The following PAPPA2 variants were observed in gnomAD, a reference collection of about 807,000 sequenced individuals.
PAPPA2 encodes the protein pappalysin 2.
In PAPPA2, 86 loss-of-function variants were observed where a neutral mutation model predicts 176.4. The observed-to-expected ratio is 0.49, with a 90% CI of 0.41 to 0.58. The LOEUF (loss-of-function observed/expected upper bound fraction) is 0.58, where lower values mean the gene tolerates loss of function less well. PAPPA2 is among the 20% of genes least tolerant of loss of function. PAPPA2 has a pLI of 0.00. For missense variants in PAPPA2, 2,073 were observed against 2,256.9 expected, an observed-to-expected ratio of 0.92 and a Z score of 1.65; for synonymous variants, 809 against 852.2, an observed-to-expected ratio of 0.95 and a Z score of 0.88.
chr1:176,473,050 A>T (rs1034284285), intron 1 of PAPPA2, among the ~76,000 whole-genome samples: 3 of 152,168 alleles, frequency 2.0e-5, no homozygotes, highest in Non-Finnish European at 2.9e-5. Flanking sequence ...CAAAGTCCAT[A>T]GTTTATATTA....
chr1:176,504,576 C>T (rs969557680), intron 1 of PAPPA2, among the ~76,000 whole-genome samples: 4 of 152,146 alleles, frequency 2.6e-5, no homozygotes, highest in Non-Finnish European at 5.9e-5. Flanking sequence ...CATTCAAATG[C>T]TTAGCTGCGT....
intron 14 of PAPPA2, among the ~76,000 whole-genome samples, chr1:176,763,539 C>T (rs989252082): frequency 1.3e-5 from 2 of 152,156 alleles, no homozygotes; most frequent in South Asian, 2.1e-4. Flanking sequence ...CATGAACAAT[C>T]GTAACTTAGC....
chr1:176,616,724 T>C (rs1229831851), intron 3 of PAPPA2: 2 of 1,406,066 alleles, frequency 1.4e-6, no homozygotes, highest in East Asian at 2.4e-5. Flanking sequence ...TTGGATTGTG[T>C]GTAATAGGAA....
In PAPPA2 at chr1:176,738,963, C is replaced by A. The variant is rs79182166; in HGVS notation, c.3799-663C>A. ...CATTCCTGAGTGATACATGAATTTT[C>A]CTGTGTCCCATTGTTGGCTTATTTT... On this transcript the variant is annotated intron_variant, in intron 12 of 22. Coordinates refer to ENST00000367662, the MANE Select transcript of PAPPA2 (RefSeq NM_020318.3). 3.9e-5 allele frequency among the ~76,000 whole-genome samples: 6 copies of A among 152,106 alleles called. No homozygotes were observed. The East Asian group carries it at 9.7e-4, about 25-fold the overall frequency.
At position 176,594,965 on chromosome 1, in the gene PAPPA2, T is replaced by C. The variant is rs1195950652; in HGVS notation, c.1361T>C (p.Leu454Ser). ...AGTGGGGAGGAGGAAGCGACTGACT[T>C]GGTCCTGACAGCGAGCTTTGAGCCT... ...HSSGEEEATD[L>S]VLTASFEPVN... Residue 454 changes from leucine to serine, a missense_variant, in exon 3 of 23, where the codon TTG (leucine) becomes TCG (serine). Physicochemically the swap from Leu to Ser is moderately radical, Grantham distance 145. Around this residue, in one of 4 missense-constraint regions of PAPPA2, gnomAD observed 1,196 missense variants for 1,330.4 expected, o/e 0.90. Coordinates refer to ENST00000367662, the MANE Select transcript of PAPPA2 (RefSeq NM_020318.3). The C allele has an allele frequency of 6.2e-6, 10 of 1,614,200 alleles. No homozygotes were observed. Among genetic ancestry groups the C allele is most frequent in the Non-Finnish European group, 8.5e-6 (10 of 1,180,044 alleles).
intron 21 of PAPPA2, among the ~76,000 whole-genome samples, chr1:176,805,918 G>A (rs143021615): frequency 1.8e-3 from 246 of 134,612 alleles, no homozygotes; most frequent in African/African-American, 6.4e-3. Flanking sequence ...GAGTCCAGGA[G>A]TTTAGGTTAC....
In PAPPA2 at chr1:176,710,076, C is replaced by G; in HGVS notation, c.3551C>G (p.Pro1184Arg). Residue 1184 changes from proline (P) to arginine (R), a missense_variant, in exon 11 of 23, where the codon CCC (proline) becomes CGC (arginine). Around this residue, in one of 4 missense-constraint regions of PAPPA2, gnomAD observed 846 missense variants for 857.9 expected, o/e 0.99. Coordinates refer to ENST00000367662, the MANE Select transcript of PAPPA2 (RefSeq NM_020318.3). ...ATTGTAGACTGTGGCATCTACACTC[C>G]CAAAGGATACTTGGATCAATGGGCT... ...TSIVDCGIYT[P>R]KGYLDQWATR... is the part of the protein sequence containing the mutation. 6.2e-7 allele frequency: 1 copy of G among 1,613,776 alleles called. No individual in the cohort carries two copies. Among genetic ancestry groups the G allele is most frequent in the Non-Finnish European group, 8.5e-7 (1 of 1,179,784 alleles).
intron 12 of PAPPA2, among the ~76,000 whole-genome samples, chr1:176,724,361 A>G (rs1661764678): frequency 1.3e-5 from 2 of 152,328 alleles, no homozygotes; most frequent in South Asian, 2.1e-4. Context: ...CTTCCCAGAA[A>G]GTCCTTTGTA....
chr1:176,469,963 G>T (rs958203475), intron 1 of PAPPA2, among the ~76,000 whole-genome samples: 8 of 152,324 alleles, frequency 5.3e-5, no homozygotes, highest in Admixed American at 4.6e-4. Context: ...ACATGCCTCT[G>T]CAGAGGAAGC....
In PAPPA2 at chr1:176,740,082, C is replaced by T. The variant is rs1453407973; in HGVS notation, c.4037C>T (p.Ser1346Leu). The part of the protein sequence containing the change: ...HHTTSVLLNF[S>L]SPRVGISAVA... ...ACCACCTCAGTGCTGCTGAATTTCT[C>T]ATCCCCACGGGTCGGCATCTCAGCT... The change falls in exon 14 of 23, where the codon TCA becomes TTA. Residue 1346 changes from serine to leucine, a missense_variant. Physicochemically the swap from Ser to Leu is moderately radical, Grantham distance 145. Around this residue, in one of 4 missense-constraint regions of PAPPA2, gnomAD observed 846 missense variants for 857.9 expected, o/e 0.99. Transcript: ENST00000367662. 6.2e-7 allele frequency: 1 copy of T among 1,613,918 alleles called. No individual in the cohort carries two copies. The highest frequency in any genetic ancestry group is 2.2e-5 in the East Asian group (1 of 44,872).
chr1:176,494,319 T>C (rs1572966875), intron 1 of PAPPA2, among the ~76,000 whole-genome samples: 2 of 152,268 alleles, frequency 1.3e-5, no homozygotes, highest in Admixed American at 1.3e-4. Context: ...CTTGGAATCA[T>C]TCTTAAAGGT....
intron 18 of PAPPA2, 54 bp from the exon 19 acceptor site, chr1:176,791,293 C>A: frequency 7.5e-7 from 1 of 1,332,674 alleles, no homozygotes; most frequent in Admixed American, 2.1e-5. Flanking sequence ...CTTTTTTCAA[C>A]TCTCAATAAA....
At chr1:176,794,531 T>TTG (rs1168383663) in intron 20 of PAPPA2, among the ~76,000 whole-genome samples, 2 of 151,990 alleles carry the variant, frequency 1.3e-5, no homozygotes, top group Non-Finnish European at 1.5e-5. Flanking sequence ...GTTCTATAGT[T>TTG]TGTGTGTGTG....
At chr1:176,829,095 C>T (rs1468295059) in intron 21 of PAPPA2, among the ~76,000 whole-genome samples, 1 of 152,118 alleles carries the variant, frequency 6.6e-6, no homozygotes, top group Admixed American at 6.5e-5. Context: ...CAAAGTGAAA[C>T]ACTTTCATCT....
At chr1:176,661,415 T>C (rs535043171) in intron 3 of PAPPA2, among the ~76,000 whole-genome samples, 1 of 151,754 alleles carries the variant, frequency 6.6e-6, no homozygotes, top group South Asian at 2.1e-4. Context: ...CTATGCCTGC[T>C]ACAGAAAGGG....
At chr1:176,797,572 G>T (rs757287612) in intron 20 of PAPPA2, among the ~76,000 whole-genome samples, 13 of 152,032 alleles carry the variant, frequency 8.6e-5, no homozygotes, top group Non-Finnish European at 1.2e-4. Context: ...ACTTGAGCCC[G>T]AGAGATTGAG....
chr1:176,570,234 T>C (rs1270030202), intron 2 of PAPPA2, among the ~76,000 whole-genome samples: 1 of 152,154 alleles, frequency 6.6e-6, no homozygotes, highest in Non-Finnish European at 1.5e-5. Context: ...GTTCCAAGTC[T>C]CTCCAGCGTT....
rs753210617 is a variant in PAPPA2 at position 176,671,009 on chromosome 1, G to A, written c.2031G>A (p.Gln677=). The stretch of plus-strand genomic sequence containing the variant: ...TGAAGGAGCTGAAGGAGGCCCTGCA[G>A]CTGAACAGTACTCACTTCCTCAACA... ...MSVKELKEAL[Q]LNSTHFLNIY... is the part of the protein sequence containing the mutation. The change falls in exon 4 of 23, where the codon CAG becomes CAA. Residue 677 remains glutamine (Q), a synonymous_variant. Coordinates refer to ENST00000367662, the MANE Select transcript of PAPPA2 (RefSeq NM_020318.3). The A allele has an allele frequency of 1.2e-5, 19 of 1,613,826 alleles. No homozygotes were observed. The highest frequency in any genetic ancestry group is 9.3e-6 in the Non-Finnish European group (11 of 1,179,888).
chr1:176,686,638 T>A (rs1659853770), intron 4 of PAPPA2, among the ~76,000 whole-genome samples: 1 of 152,166 alleles, frequency 6.6e-6, no homozygotes, highest in African/African-American at 2.4e-5. Context: ...CCCCTTTCCC[T>A]CATGCTGCTG....
Sources: allele counts gnomAD v4.1 joint callset (sites outside exome capture counted in the v4.1 genomes callset), GRCh38; gene constraint gnomAD v4.1.1; regional missense constraint gnomAD v4.1.1; transcripts MANE v1.5; gene names NCBI Gene and HGNC (gene_info 2026-07-23, HGNC 2026-07-21).